PTPRM: variants seen among roughly 807,000 people sequenced by gnomAD.
The protein encoded by PTPRM is protein tyrosine phosphatase receptor type M.
PTPRM carries 47 observed loss-of-function variants against 186.7 expected under a neutral mutation model. The observed-to-expected ratio is 0.25, with a 90% confidence interval of 0.20 to 0.32. PTPRM has a LOEUF of 0.32. PTPRM is among the 10% of genes least tolerant of loss of function. The probability of loss-of-function intolerance (pLI) is 1.00; values close to 1 mark genes in which losing one functional copy is unlikely to be tolerated. For missense variants in PTPRM, 1,494 were observed against 1,865.0 expected (o/e 0.80, Z 3.66); for synonymous variants, 668 against 674.9 (o/e 0.99, Z 0.16).
rs1239904555 is a variant in PTPRM, at chr18:8,380,376, G to A, written c.3867G>A (p.Leu1289=). The A allele has an allele frequency of 5.0e-6, 8 of 1,614,190 alleles. No individual in the cohort carries two copies. The highest frequency in any genetic ancestry group is 6.8e-6 in the Non-Finnish European group (8 of 1,180,030). Residue 1289 remains leucine, a synonymous_variant, in exon 29 of 33, where the codon CTG becomes CTA. Transcript: ENST00000580170. ...TGAAAGACTTTTGGAGACTGGTCCT[G>A]GATTATCACTGCACATCCGTAGTTA... The part of the protein sequence containing the change: ...NTVKDFWRLV[L]DYHCTSVVML...
intron 2 of PTPRM, among the ~76,000 whole-genome samples, chr18:7,795,471 A>G (rs772719680): frequency 2.4e-5 from 3 of 125,724 alleles, no homozygotes; most frequent in East Asian, 2.3e-4. Context: ...CTTGTTCTGG[A>G]AAAAAAAAAA....
intron 32 of PTPRM, among the ~76,000 whole-genome samples, 166 bp downstream of exon 32, chr18:8,394,777 C>T (rs576175165): frequency 2.0e-5 from 3 of 152,068 alleles, no homozygotes; most frequent in Non-Finnish European, 1.5e-5. Flanking sequence ...TCTTGTTCTC[C>T]CTCTTCCTCT....
chr18:8,380,879 C>T (rs763601810), intron 29 of PTPRM, among the ~76,000 whole-genome samples: 10 of 151,990 alleles, frequency 6.6e-5, no homozygotes, highest in East Asian at 3.9e-4. Context: ...CACAGCTCAC[C>T]GGGAGCCTAC....
chr18:8,262,265 C>T (rs1008588201), intron 19 of PTPRM, among the ~76,000 whole-genome samples: 3 of 152,100 alleles, frequency 2.0e-5, no homozygotes, highest in East Asian at 1.9e-4. Flanking sequence ...CTAGTCTTTC[C>T]CCTTCAAATC....
At chr18:8,238,989 TTAA>T (rs757889690) in intron 14 of PTPRM, among the ~76,000 whole-genome samples, 1 of 137,522 alleles carries the variant, frequency 7.3e-6, no homozygotes. Context: ...TTTTTTTTTT[TTAA>T]TTTAATTTTA....
intron 2 of PTPRM, among the ~76,000 whole-genome samples, chr18:7,779,926 G>A (rs1000485842): frequency 1.2e-4 from 18 of 152,076 alleles, no homozygotes; most frequent in South Asian, 6.2e-4. Flanking sequence ...TGATAAGATC[G>A]TTCCTGGATG....
At chr18:7,811,008 C>T (rs905093838) in intron 2 of PTPRM, among the ~76,000 whole-genome samples, 1 of 151,938 alleles carries the variant, frequency 6.6e-6, no homozygotes, top group African/African-American at 2.4e-5. Context: ...TATCCTTTGC[C>T]CAGTAATTTT....
At chr18:7,693,514 CAT>C (rs996238205) in intron 1 of PTPRM, among the ~76,000 whole-genome samples, 1 of 152,198 alleles carries the variant, frequency 6.6e-6, no homozygotes, top group African/African-American at 2.4e-5. Flanking sequence ...TAACCAGTAA[CAT>C]ATGCCTAATA....
At chr18:7,620,580 A>G (rs556265155) in intron 1 of PTPRM, among the ~76,000 whole-genome samples, 3 of 152,276 alleles carry the variant, frequency 2.0e-5, no homozygotes, top group Admixed American at 6.5e-5. Flanking sequence ...GGTGCATTGC[A>G]GTGCTTGAGA....
intron 24 of PTPRM, among the ~76,000 whole-genome samples, 188 bp downstream of exon 24, chr18:8,371,194 TC>T (rs1039785626): frequency 6.6e-6 from 1 of 152,230 alleles, no homozygotes; most frequent in Non-Finnish European, 1.5e-5. Flanking sequence ...TTAAAACAAA[TC>T]ATTCTCATTT....
At chr18:8,205,423 C>T (rs2093914484) in intron 14 of PTPRM, among the ~76,000 whole-genome samples, 1 of 152,106 alleles carries the variant, frequency 6.6e-6, no homozygotes, top group Non-Finnish European at 1.5e-5. Flanking sequence ...ATATGGTTTT[C>T]ATCACTAGAA....
At chr18:8,080,861 C>T (rs2145191059) in intron 9 of PTPRM, among the ~76,000 whole-genome samples, 1 of 152,218 alleles carries the variant, frequency 6.6e-6, no homozygotes, top group Non-Finnish European at 1.5e-5. Context: ...CATCACACAC[C>T]CTGCTTTTGC....
intron 7 of PTPRM, among the ~76,000 whole-genome samples, chr18:7,964,655 G>C (rs941049719): frequency 6.6e-5 from 10 of 152,174 alleles, no homozygotes; most frequent in Admixed American, 6.5e-4. Context: ...ACACTCCTAT[G>C]GTGAAATCTT....
Position 8,221,884 on chromosome 18 carries a change from T to C in PTPRM, c.2301-22174T>C, listed in dbSNP as rs143629688. Among the ~76,000 whole-genome samples the C allele has an allele frequency of 2.5e-3, 385 of 152,334 alleles. 2 individuals carry two copies. Among genetic ancestry groups the C allele is most frequent in the African/African-American group, 9.0e-3 (373 of 41,584 alleles). On this transcript the variant is annotated intron_variant, in intron 14 of 32. Coordinates refer to ENST00000580170, the MANE Select transcript of PTPRM (RefSeq NM_001105244.2). ...CCAATCACCAAGTCTTGGCCAAAGG[T>C]GGCCAACTGCTCAAACTGGGTTCAA... is the stretch of plus-strand genomic sequence containing the variant.
At chr18:7,912,814 C>A (rs1306939337) in intron 4 of PTPRM, among the ~76,000 whole-genome samples, 2 of 152,120 alleles carry the variant, frequency 1.3e-5, no homozygotes, top group East Asian at 3.9e-4. Flanking sequence ...CCACTGCGCC[C>A]AGCCAATCCC....
intron 14 of PTPRM, among the ~76,000 whole-genome samples, chr18:8,190,448 CT>C (rs1384765248): frequency 2.0e-5 from 3 of 152,170 alleles, no homozygotes; most frequent in Admixed American, 2.0e-4. Context: ...ACAGAATTTC[CT>C]TTAATTTATC....
chr18:7,624,752 C>T (rs1211275084), intron 1 of PTPRM, among the ~76,000 whole-genome samples: 1 of 152,202 alleles, frequency 6.6e-6, no homozygotes, highest in South Asian at 2.1e-4. Context: ...GCTGGGATTA[C>T]AGGCGTGAGC....
intron 1 of PTPRM, among the ~76,000 whole-genome samples, chr18:7,728,799 ATAAT>A (rs1282141459): frequency 6.6e-6 from 1 of 152,248 alleles, no homozygotes; most frequent in Non-Finnish European, 1.5e-5. Context: ...AGGAACAGAA[ATAAT>A]TAATCTGTGT....
At chr18:8,246,210 T>C (rs2031491773) in intron 15 of PTPRM, among the ~76,000 whole-genome samples, 1 of 152,184 alleles carries the variant, frequency 6.6e-6, no homozygotes, top group Admixed American at 6.5e-5. Context: ...ACCACAAGGC[T>C]GCCAGCACCA....
Sources: gnomAD v4.1 joint callset for allele counts (sites outside exome capture counted in the v4.1 genomes callset) on GRCh38, gnomAD v4.1.1 for gene constraint, MANE v1.5 for transcripts, NCBI Gene and HGNC (gene_info 2026-07-23, HGNC 2026-07-21) for gene names.